FANCD2: variants seen among roughly 807,000 people sequenced by gnomAD.
FANCD2 encodes Fanconi anemia group D2 protein.
Under a neutral mutation model 192.3 loss-of-function variants are expected in FANCD2, and 131 were observed. That is an observed-to-expected ratio of 0.68 (90% CI 0.59 to 0.79). The LOEUF (loss-of-function observed/expected upper bound fraction) is 0.79. Among genes scored for constraint, FANCD2 ranks in the 30% least tolerant of loss-of-function variants. FANCD2 has a pLI of 0.00. For synonymous variants in FANCD2, 524 were observed against 612.5 expected (o/e 0.86, Z 2.13); for missense variants, 1,508 against 1,701.6 (o/e 0.89, Z 2.00).
rs35070534 is a variant in FANCD2 at position 10,092,431 on chromosome 3, AT to A, written c.3849+190del. On this transcript the variant is annotated intron_variant, in intron 38 of 43. Transcript: ENST00000675286. ...TGGATAACCCCTTTTCTCACTAGGC[AT>A]TTTTTTTTTTGTCTTTTCCTTCCTT... Among the ~76,000 whole-genome samples, 19,465 of 144,624 alleles carry A rather than the reference AT, an allele frequency of 0.13. 1,802 individuals are homozygous for A. Among genetic ancestry groups the A allele is most frequent in the African/African-American group, 0.27 (10,839 of 39,828 alleles). 94.9% of individuals were successfully genotyped at this position (144,624 alleles called of 152,430 possible). A position where few individuals can be genotyped will look rare whatever the true frequency, so the allele number is the denominator to read the frequency against.
intron 29 of FANCD2, among the ~76,000 whole-genome samples, chr3:10,077,067 A>C (rs1693578636): frequency 6.6e-6 from 1 of 151,802 alleles, no homozygotes; most frequent in Admixed American, 6.6e-5. Context: ...GTCTCTACAA[A>C]AAGTTAAAAA....
In FANCD2 at chr3:10,049,448, T is replaced by C. The variant is rs200805608; in HGVS notation, c.1488T>C (p.Leu496=). 2 of 1,608,688 alleles carry C rather than the reference T, an allele frequency of 1.2e-6. No individual in the cohort carries two copies. The highest frequency in any genetic ancestry group is 1.7e-6 in the Non-Finnish European group (2 of 1,176,028). The change falls in exon 17 of 44, where the codon CTT becomes CTC. Residue 496 remains leucine (L), a synonymous_variant. Transcript: ENST00000675286. The part of the protein sequence containing the change: ...EAEVDTALDV[L]LELVVLNPSA... ...AAGTTGATACTGCCTTAGATGTCCT[T>C]CTAGAGTTGGTAGTGTTAAACCCAT...
chr3:10,059,809 G>GA (rs72492715), intron 18 of FANCD2, among the ~76,000 whole-genome samples: 5,908 of 129,558 alleles, frequency 0.046, 382 homozygotes, highest in African/African-American at 0.15. Context: ...CCTTCTCAAA[G>GA]AAAAAAAAAA....
At chr3:10,054,737 C>G (rs976703590) in intron 18 of FANCD2, among the ~76,000 whole-genome samples, 7 of 151,186 alleles carry the variant, frequency 4.6e-5, no homozygotes, top group Non-Finnish European at 7.4e-5. Flanking sequence ...CCAGCCTCGG[C>G]CTCCCAAAGT....
intron 34 of FANCD2, among the ~76,000 whole-genome samples, chr3:10,088,083 G>T (rs1263429635): frequency 6.6e-6 from 1 of 152,150 alleles, no homozygotes; most frequent in Non-Finnish European, 1.5e-5. Flanking sequence ...GGAAGGTTTG[G>T]TCTCAATCTT....
At chr3:10,062,243 CTGTCT>C in intron 20 of FANCD2, 32 bp downstream of exon 20, 1 of 1,589,988 alleles carries the variant, frequency 6.3e-7, no homozygotes, top group Non-Finnish European at 8.6e-7. Flanking sequence ...TTTCTTTTTC[CTGTCT>C]TTTTTTTTTT....
intron 26 of FANCD2, among the ~76,000 whole-genome samples, chr3:10,068,763 A>G (rs2087788594): frequency 6.6e-6 from 1 of 152,180 alleles, no homozygotes; most frequent in South Asian, 2.1e-4. Context: ...GAGCTATAGT[A>G]ACCAAAACAG....
chr3:10,069,560 T>C, intron 26 of FANCD2, among the ~76,000 whole-genome samples: 1 of 140,236 alleles, frequency 7.1e-6, no homozygotes, highest in Non-Finnish European at 1.5e-5. Context: ...GCAACCTCCC[T>C]GCCTGATTCT....
chr3:10,050,509 GCTACTCAA>G (rs2087167239), intron 17 of FANCD2, among the ~76,000 whole-genome samples: 1 of 151,262 alleles, frequency 6.6e-6, no homozygotes, highest in Non-Finnish European at 1.5e-5. Context: ...TGTAGTCCCA[GCTACTCAA>G]GAGGCTGAGG....
intron 26 of FANCD2, among the ~76,000 whole-genome samples, 164 bp from the exon 27 acceptor site, chr3:10,072,707 G>A (rs533459003): frequency 6.6e-6 from 1 of 152,264 alleles, no homozygotes; most frequent in Admixed American, 6.5e-5. Context: ...TGGCCATTTT[G>A]CTATGCCAAA....
At chr3:10,048,802 A>T (rs1197987923) in intron 16 of FANCD2, among the ~76,000 whole-genome samples, 2 of 152,294 alleles carry the variant, frequency 1.3e-5, no homozygotes, top group Non-Finnish European at 2.9e-5. Context: ...AAAGTAGAGC[A>T]ATAGTTGCAG....
At position 10,094,270 on chromosome 3, in the gene FANCD2, G is replaced by C; in HGVS notation, c.3889-19G>C. The C allele has an allele frequency of 6.2e-7, 1 of 1,606,918 alleles. No homozygotes were observed. The highest frequency in any genetic ancestry group is 2.2e-5 in the East Asian group (1 of 44,854). On this transcript the variant is annotated intron_variant, in intron 39 of 43. Coordinates refer to ENST00000675286, the MANE Select transcript of FANCD2 (RefSeq NM_001018115.3). ...TGAGATACCTCAGCTAGAGGTAACAGTGTGTCTCTCTTCTTCAGTATGGGC... is the reference window on the plus strand; with the variant it reads ...TGAGATACCTCAGCTAGAGGTAACACTGTGTCTCTCTTCTTCAGTATGGGC...
chr3:10,068,091 T>G (rs938447081), intron 26 of FANCD2, among the ~76,000 whole-genome samples: 1 of 152,092 alleles, frequency 6.6e-6, no homozygotes, highest in Non-Finnish European at 1.5e-5. Flanking sequence ...GGATACCCAC[T>G]TATATAATAC....
chr3:10,044,312 T>C (rs887430999), intron 14 of FANCD2, among the ~76,000 whole-genome samples: 3 of 152,028 alleles, frequency 2.0e-5, no homozygotes, highest in African/African-American at 7.3e-5. Flanking sequence ...ATCTGTCCAC[T>C]GTCAAGGCAG....
chr3:10,085,344 A>G (rs150696807), intron 32 of FANCD2, among the ~76,000 whole-genome samples: 40 of 151,494 alleles, frequency 2.6e-4, no homozygotes, highest in Admixed American at 3.3e-4. Flanking sequence ...GCTGTGATTG[A>G]ATTTGGTACT....
intron 16 of FANCD2, 157 bp downstream of exon 16, chr3:10,048,208 G>A (rs989731199): frequency 1.1e-6 from 1 of 925,594 alleles, no homozygotes; most frequent in African/African-American, 1.6e-5. Context: ...GAAAGGAAGA[G>A]ACTTGACTGG....
At chr3:10,064,284 A>G in intron 21 of FANCD2, 72 bp from the exon 22 acceptor site, 1 of 1,004,256 alleles carries the variant, frequency 1.0e-6, no homozygotes, top group Non-Finnish European at 1.6e-6. Context: ...TAGAAAGGTT[A>G]AGAGTAATTT....
At chr3:10,069,391 A>G (rs938095417) in intron 26 of FANCD2, among the ~76,000 whole-genome samples, 2 of 152,012 alleles carry the variant, frequency 1.3e-5, no homozygotes, top group Non-Finnish European at 2.9e-5. Context: ...AAGGTGCTCA[A>G]CATCACTGAG....
chr3:10,035,074 T>G, intron 5 of FANCD2, 99 bp from the exon 6 acceptor site: 2 of 1,007,958 alleles, frequency 2.0e-6, no homozygotes, highest in Admixed American at 3.9e-5. Flanking sequence ...TAGTTCCTCT[T>G]TAAATATTAT....
Sources: allele counts gnomAD v4.1 joint callset (sites outside exome capture counted in the v4.1 genomes callset), GRCh38; gene constraint gnomAD v4.1.1; transcripts MANE v1.5; gene names NCBI Gene and HGNC (gene_info 2026-07-23, HGNC 2026-07-21).